NFIX: variants seen among roughly 807,000 people sequenced by gnomAD.
NFIX encodes the protein nuclear factor I X.
NFIX carries 2 observed loss-of-function variants against 53.3 expected under a neutral mutation model. The observed-to-expected ratio is 0.04, with a 90% CI of 0.02 to 0.12. NFIX has a LOEUF of 0.12. NFIX is among the 10% of genes least tolerant of loss of function. The pLI, the probability that NFIX is intolerant of heterozygous loss-of-function variation, is 1.00. For missense variants in NFIX, 310 were observed against 674.5 expected, an observed-to-expected ratio of 0.46 and a Z score of 5.99; for synonymous variants, 244 against 289.0, an observed-to-expected ratio of 0.84 and a Z score of 1.58.
At position 13,022,160 on chromosome 19, in the gene NFIX, G is replaced by A. The variant is rs966549216; in HGVS notation, c.28-2861G>A. On this transcript the variant is annotated intron_variant, in intron 1 of 10. Coordinates refer to ENST00000592199, the MANE Select transcript of NFIX (RefSeq NM_001365902.3). This position sits in a 1 kb window ranked among gnomAD's most constrained non-coding sequence, Gnocchi z 4.5. ...CTTTTTGCCTTTGTCACTTCTCCCC[G>A]GGTCTGGCTGTTGTTTGTGGCTGCG... 2.6e-5 allele frequency among the ~76,000 whole-genome samples: 4 copies of A among 152,130 alleles called. No homozygotes were observed. Among genetic ancestry groups the A allele is most frequent in the Non-Finnish European group, 5.9e-5 (4 of 68,020 alleles).
Position 13,081,966 on chromosome 19 carries a change from G to C in NFIX, c.1254+111G>C. On this transcript the variant is annotated intron_variant, in intron 8 of 10. Transcript: ENST00000592199. The surrounding 1 kb of genome is among the most constrained non-coding windows in gnomAD (Gnocchi z 4.7). ...AAAAGCCAGGAGCCCACCTGGGGCTGGAGCAGCAGGGAGCTGGTAGTACCA... is the reference window on the plus strand; with the variant it reads ...AAAAGCCAGGAGCCCACCTGGGGCTCGAGCAGCAGGGAGCTGGTAGTACCA... 1.6e-6 allele frequency: 2 copies of C among 1,249,468 alleles called. No individual in the cohort carries two copies. The highest frequency in any genetic ancestry group is 2.2e-6 in the Non-Finnish European group (2 of 892,376). 77.4% of individuals were successfully genotyped at this position (1,249,468 alleles called of 1,614,324 possible).
rs566847865 is a variant in NFIX, at chr19:13,007,610, C to T, written c.27+11746C>T. ...CAAGGTTCCAAGATTCCTGCTTCCACTCCCCAGAGCTGGAGTGGGGGAACC... is the reference window on the plus strand; with the variant it reads ...CAAGGTTCCAAGATTCCTGCTTCCATTCCCCAGAGCTGGAGTGGGGGAACC... On this transcript the variant is annotated intron_variant, in intron 1 of 10. Coordinates refer to ENST00000592199, the MANE Select transcript of NFIX (RefSeq NM_001365902.3). Among the ~76,000 whole-genome samples, 896 of 152,314 alleles carry T rather than the reference C, an allele frequency of 5.9e-3. 6 individuals carry two copies. The highest frequency in any genetic ancestry group is 8.2e-3 in the Non-Finnish European group (559 of 68,020).
intron 2 of NFIX, among the ~76,000 whole-genome samples, chr19:13,030,488 G>A (rs1482127089): frequency 2.0e-5 from 3 of 152,154 alleles, no homozygotes; most frequent in African/African-American, 4.8e-5. Context: ...TGACCCAGGT[G>A]AAAGCTGATT....
chr19:13,016,936 C>A (rs1490095822), intron 1 of NFIX, among the ~76,000 whole-genome samples: 1 of 152,098 alleles, frequency 6.6e-6, no homozygotes, highest in Non-Finnish European at 1.5e-5. Flanking sequence ...AATATTTGAA[C>A]CAAAAAGCCT....
In NFIX at chr19:13,066,447, C is replaced by G. The variant is rs2016407685; in HGVS notation, c.560-6600C>G. 6.6e-6 allele frequency among the ~76,000 whole-genome samples: 1 copy of G among 151,842 alleles called. No individual in the cohort carries two copies. The highest frequency in any genetic ancestry group is 1.5e-5 in the Non-Finnish European group (1 of 67,958). On this transcript the variant is annotated intron_variant, in intron 2 of 10. Transcript: ENST00000592199. This position sits in a 1 kb window ranked among gnomAD's most constrained non-coding sequence, Gnocchi z 4.2. ...CATGTGGGTGTCACTCGGTTTCTTC[C>G]TCTTTCCTGTCACTTATCCCCTCTG... is the stretch of plus-strand genomic sequence containing the variant.
rs2015989356 is a variant in NFIX at position 13,060,233 on chromosome 19, A to AG, written c.560-12814_560-12813insG. On this transcript the variant is annotated intron_variant, in intron 2 of 10. Transcript: ENST00000592199. This position sits in a 1 kb window ranked among gnomAD's most constrained non-coding sequence, Gnocchi z 4.3. ...GGCTGCTCCTTGGAGAACAGAGTGG[A>AG]TGAACTCAGTCCCCACCTCTCAGAG... Among the ~76,000 whole-genome samples, 1 of 152,204 alleles carries AG rather than the reference A, an allele frequency of 6.6e-6. No individual in the cohort carries two copies. The highest frequency in any genetic ancestry group is 6.5e-5 in the Admixed American group (1 of 15,286).
intron 8 of NFIX, among the ~76,000 whole-genome samples, chr19:13,085,532 T>G (rs1451879231): frequency 6.6e-6 from 1 of 152,244 alleles, no homozygotes; most frequent in African/African-American, 2.4e-5. Context: ...CACCTTTCTC[T>G]GCAGCGCTGC....
chr19:13,063,338 G>A (rs1485721735), intron 2 of NFIX, among the ~76,000 whole-genome samples: 1 of 152,152 alleles, frequency 6.6e-6, no homozygotes, highest in Non-Finnish European at 1.5e-5. Context: ...AGGGGTGGGT[G>A]AGTAGGGGCT....
Position 13,073,097 on chromosome 19 carries a change from C to G in NFIX, c.610C>G (p.Pro204Ala), listed in dbSNP as rs1321657960. The G allele has an allele frequency of 6.2e-7, 1 of 1,613,904 alleles. No individual in the cohort carries two copies. The highest frequency in any genetic ancestry group is 8.5e-7 in the Non-Finnish European group (1 of 1,179,886). ...CCAGCAAGGAGATGCGGACATCAAA[C>G]CACTGCCCAACGGTCAGTGCCCCCC... is the stretch of plus-strand genomic sequence containing the variant. ...SNQQGDADIKPLPNGHLSFQD... is the reference protein window; with the variant it reads ...SNQQGDADIKALPNGHLSFQD... The change falls in exon 3 of 11, where the codon CCA (proline) becomes GCA (alanine). Residue 204 changes from proline to alanine, a missense_variant. By Grantham distance (27) the Pro-to-Ala change is conservative (BLOSUM62 -1). This residue lies in a region of NFIX where 164 missense variants were observed against 284.4 expected (regional missense o/e 0.58). Coordinates refer to ENST00000592199, the MANE Select transcript of NFIX (RefSeq NM_001365902.3). This position sits in a 1 kb window ranked among gnomAD's most constrained non-coding sequence, Gnocchi z 4.5.
At chr19:12,999,424 G>A (rs887854554) in intron 1 of NFIX, among the ~76,000 whole-genome samples, 3 of 151,462 alleles carry the variant, frequency 2.0e-5, no homozygotes, top group Non-Finnish European at 2.9e-5. Context: ...CACCTGCCTC[G>A]GCCTCCCAAA....
chr19:13,075,428 C>G (rs1180613714), intron 5 of NFIX, 107 bp from the exon 6 acceptor site: 1 of 1,275,132 alleles, frequency 7.8e-7, no homozygotes, highest in Admixed American at 2.4e-5. Context: ...CGGCACCACT[C>G]CCCACCCAGA....
In NFIX at chr19:13,095,666, C is replaced by T. The variant is rs2018402394; in HGVS notation, c.*1017C>T. 1 of 152,524 alleles carries T rather than the reference C, an allele frequency of 6.6e-6. No homozygotes were observed. The highest frequency in any genetic ancestry group is 2.1e-4 in the South Asian group (1 of 4,836). 9.4% of individuals were successfully genotyped at this position (152,524 alleles called of 1,614,324 possible). A position where few individuals can be genotyped will look rare whatever the true frequency, so the allele number is the denominator to read the frequency against. On this transcript the variant is annotated 3_prime_UTR_variant, in exon 11 of 11. Transcript: ENST00000592199. ...CGGAGGGTGGAGCAGAAAGGGGACC[C>T]CGGAGCCGAGCGAGGAGGACCAGGC...
At position 13,028,773 on chromosome 19, in the gene NFIX, C is replaced by T. The variant is rs560585250; in HGVS notation, c.559+3221C>T. Among the ~76,000 whole-genome samples the T allele has an allele frequency of 9.9e-5, 15 of 152,008 alleles. No individual in the cohort carries two copies. The East Asian group carries it at 2.7e-3, about 28-fold the overall frequency. On this transcript the variant is annotated intron_variant, in intron 2 of 10. Coordinates refer to ENST00000592199, the MANE Select transcript of NFIX (RefSeq NM_001365902.3). The surrounding 1 kb of genome is among the most constrained non-coding windows in gnomAD (Gnocchi z 4.2). ...GTATCCCAGAACAGGTGGCCAGGGACGGGTGAGCTGGGGAGGGCCAGGAGA... is the reference window on the plus strand; with the variant it reads ...GTATCCCAGAACAGGTGGCCAGGGATGGGTGAGCTGGGGAGGGCCAGGAGA...
rs747975541 is a variant in NFIX, at chr19:12,998,429, G to A, written c.27+2565G>A. ...GAGCTTGGAGCAGCGGGGCCCTGGC[G>A]GGGAAAGGTACTGTGGGCGAGGGGG... On this transcript the variant is annotated intron_variant, in intron 1 of 10. Coordinates refer to ENST00000592199, the MANE Select transcript of NFIX (RefSeq NM_001365902.3). The surrounding 1 kb of genome is among the most constrained non-coding windows in gnomAD (Gnocchi z 4.4). 4.6e-5 allele frequency among the ~76,000 whole-genome samples: 7 copies of A among 152,040 alleles called. No homozygotes were observed. Among genetic ancestry groups the A allele is most frequent in the Non-Finnish European group, 8.8e-5 (6 of 68,014 alleles).
At chr19:13,038,516 A>G (rs117297239) in intron 2 of NFIX, among the ~76,000 whole-genome samples, 1,797 of 152,340 alleles carry the variant, frequency 0.012, 21 homozygotes, top group Middle Eastern at 0.027. Context: ...GGAGCAGGAG[A>G]GAGCCAAATC....
rs540531712 is a variant in NFIX at position 13,001,541 on chromosome 19, C to A, written c.27+5677C>A. Among the ~76,000 whole-genome samples the A allele has an allele frequency of 1.3e-5, 2 of 152,104 alleles. No homozygotes were observed. The highest frequency in any genetic ancestry group is 3.9e-4 in the East Asian group (2 of 5,184). ...TGTATCTGGGGTGACAGTGTCCCAG[C>A]GACATGCGTCACATCTACAGCAGTG... is the stretch of plus-strand genomic sequence containing the variant. On this transcript the variant is annotated intron_variant, in intron 1 of 10. Coordinates refer to ENST00000592199, the MANE Select transcript of NFIX (RefSeq NM_001365902.3). This position sits in a 1 kb window ranked among gnomAD's most constrained non-coding sequence, Gnocchi z 6.5.
chr19:13,020,531 T>C (rs1351541783), intron 1 of NFIX, among the ~76,000 whole-genome samples: 2 of 152,050 alleles, frequency 1.3e-5, no homozygotes, highest in Non-Finnish European at 2.9e-5. Context: ...GAGAATGGGG[T>C]GAGGGGAAAG....
chr19:13,020,450 C>G (rs957520491), intron 1 of NFIX, among the ~76,000 whole-genome samples: 2 of 152,174 alleles, frequency 1.3e-5, no homozygotes, highest in Non-Finnish European at 2.9e-5. Context: ...CTTCTCATCT[C>G]CCGAAGCATC....
At chr19:13,026,809 CCTT>C (rs1366420093) in intron 2 of NFIX, among the ~76,000 whole-genome samples, 6 of 151,314 alleles carry the variant, frequency 4.0e-5, no homozygotes, top group African/African-American at 1.5e-4. Flanking sequence ...CCTTCATTTT[CCTT>C]CTTCCTCTCT....
Sources: gnomAD v4.1 joint callset for allele counts (sites outside exome capture counted in the v4.1 genomes callset) on GRCh38, gnomAD v4.1.1 for gene constraint, gnomAD v4.1.1 regional missense constraint, Gnocchi (gnomAD v3.1) non-coding constraint, MANE v1.5 for transcripts, NCBI Gene and HGNC (gene_info 2026-07-23, HGNC 2026-07-21) for gene names.